Variants in SH3GL2 observed in about 807,000 individuals in gnomAD.
SH3GL2 encodes the protein endophilin-A1.
In SH3GL2, 24 loss-of-function variants were observed where a neutral mutation model predicts 46.0. The observed-to-expected ratio is 0.52, with a 90% CI of 0.38 to 0.73. The LOEUF is 0.73. Among genes scored for constraint, SH3GL2 ranks in the 30% least tolerant of loss-of-function variants. The pLI is 0.00. For missense variants in SH3GL2, 413 were observed against 424.2 expected (o/e 0.97, Z 0.23); for synonymous variants, 196 against 147.1 (o/e 1.33, Z -2.40).
intron 3 of SH3GL2, among the ~76,000 whole-genome samples, chr9:17,779,654 A>G (rs1329994351): frequency 6.6e-6 from 1 of 152,126 alleles, no homozygotes; most frequent in African/African-American, 2.4e-5. Flanking sequence ...ACTGGAAGAA[A>G]ACTGTTCTTG....
At chr9:17,662,822 G>T (rs1820254567) in intron 1 of SH3GL2, among the ~76,000 whole-genome samples, 2 of 148,474 alleles carry the variant, frequency 1.3e-5, no homozygotes, top group Non-Finnish European at 1.5e-5. Flanking sequence ...CAATTCTGCT[G>T]CCTCAGCCTC....
intron 1 of SH3GL2, among the ~76,000 whole-genome samples, chr9:17,734,442 T>G (rs1822268254): frequency 6.6e-6 from 1 of 152,138 alleles, no homozygotes; most frequent in South Asian, 2.1e-4. Context: ...AGTCTTCACA[T>G]AATTTCGTGT....
intron 1 of SH3GL2, among the ~76,000 whole-genome samples, chr9:17,731,007 A>G (rs1416991969): frequency 1.3e-5 from 2 of 152,160 alleles, no homozygotes; most frequent in Non-Finnish European, 2.9e-5. Context: ...CAAAACTTTC[A>G]GAGAGAGCCA....
At position 17,579,177 on chromosome 9, in the gene SH3GL2, C is replaced by A; in HGVS notation, c.-66C>A. ...GGCCAGGGGAGCGCGCCGCCCCGCT[C>A]GGCCCTCCAGTCCCCCTCCGCCTCC... On this transcript the variant is annotated 5_prime_UTR_variant, in exon 1 of 9. Coordinates refer to ENST00000380607, the MANE Select transcript of SH3GL2 (RefSeq NM_003026.5). The A allele has an allele frequency of 1.6e-6, 2 of 1,233,304 alleles. No homozygotes were observed. Among genetic ancestry groups the A allele is most frequent in the Admixed American group, 2.6e-5 (1 of 38,706 alleles). 76.4% of individuals were successfully genotyped at this position (1,233,304 alleles called of 1,614,324 possible). A position where few individuals can be genotyped will look rare whatever the true frequency, so the allele number is the denominator to read the frequency against.
At chr9:17,776,603 C>A (rs996549132) in intron 3 of SH3GL2, among the ~76,000 whole-genome samples, 11 of 151,078 alleles carry the variant, frequency 7.3e-5, no homozygotes, top group African/African-American at 2.4e-4. Flanking sequence ...AGTGAGAAAT[C>A]TGAATAATGT....
chr9:17,796,946 G>A lies in SH3GL2; in HGVS notation c.*1203G>A, dbSNP rs557152466. The A allele has an allele frequency of 6.5e-6, 1 of 152,684 alleles. No homozygotes were observed. Among genetic ancestry groups the A allele is most frequent in the African/African-American group, 2.4e-5 (1 of 41,524 alleles). The allele number at this position is 152,684 out of a possible 1,614,324, so 9.5% of individuals were successfully genotyped here. ...GTATCAGTCATGAAAGTCCTGTTAG[G>A]TATGCAGAGTTCTATTTATCTAGCT... On this transcript the variant is annotated 3_prime_UTR_variant, in exon 9 of 9. Transcript: ENST00000380607.
intron 1 of SH3GL2, among the ~76,000 whole-genome samples, chr9:17,695,984 C>T (rs575178977): frequency 6.6e-6 from 1 of 152,212 alleles, no homozygotes; most frequent in South Asian, 2.1e-4. Context: ...CAAAAGAAGG[C>T]AGACCTGATA....
Position 17,727,008 on chromosome 9 carries a change from G to A in SH3GL2, c.46-20058G>A, listed in dbSNP as rs542152476. On this transcript the variant is annotated intron_variant, in intron 1 of 8. Coordinates refer to ENST00000380607, the MANE Select transcript of SH3GL2 (RefSeq NM_003026.5). ...ATGAGCAGCAGGAGACATTAATAGA[G>A]AGATGCTTGTTGCTGCACTTTTTGT... 2.6e-5 allele frequency among the ~76,000 whole-genome samples: 4 copies of A among 152,256 alleles called. 1 individual carries two copies. The South Asian group carries it at 8.3e-4, about 32-fold the overall frequency.
chr9:17,757,851 C>G (rs1180380351), intron 2 of SH3GL2, among the ~76,000 whole-genome samples: 1 of 152,138 alleles, frequency 6.6e-6, no homozygotes, highest in African/African-American at 2.4e-5. Flanking sequence ...ATATTACCAG[C>G]TTAGGTATAT....
intron 1 of SH3GL2, among the ~76,000 whole-genome samples, chr9:17,728,347 T>C (rs10121229): frequency 0.29 from 44,368 of 151,990 alleles, 7,756 homozygotes; most frequent in African/African-American, 0.48. Context: ...AAGTGGCTTT[T>C]CCTCCATTAT....
intron 1 of SH3GL2, among the ~76,000 whole-genome samples, chr9:17,713,150 G>T: frequency 6.6e-6 from 1 of 150,692 alleles, no homozygotes; most frequent in Non-Finnish European, 1.5e-5. Flanking sequence ...TTCCTTTTTA[G>T]TTTTTTAAAT....
At chr9:17,688,354 G>A (rs1820980525) in intron 1 of SH3GL2, among the ~76,000 whole-genome samples, 1 of 152,054 alleles carries the variant, frequency 6.6e-6, no homozygotes, top group East Asian at 1.9e-4. Flanking sequence ...AATGTAGTTT[G>A]GGATGGAAAA....
chr9:17,795,478 G>C (rs1328115219), intron 8 of SH3GL2, 66 bp from the exon 9 acceptor site: 3 of 1,318,072 alleles, frequency 2.3e-6, no homozygotes, highest in East Asian at 2.3e-5. Flanking sequence ...GCAGGCAGCA[G>C]ATTCTGTGAG....
Position 17,795,767 on chromosome 9 carries a change from T to G in SH3GL2, c.*24T>G, listed in dbSNP as rs528145235. ...AGGATGTTATGCTGGCTGGCTCGCCTCCTCTTGACCCAGATAGTTACGGTT... is the reference window on the plus strand; with the variant it reads ...AGGATGTTATGCTGGCTGGCTCGCCGCCTCTTGACCCAGATAGTTACGGTT... On this transcript the variant is annotated 3_prime_UTR_variant, in exon 9 of 9. Transcript: ENST00000380607. 3 of 1,585,438 alleles carry G rather than the reference T, an allele frequency of 1.9e-6. No homozygotes were observed. Among genetic ancestry groups the G allele is most frequent in the Admixed American group, 1.7e-5 (1 of 59,738 alleles).
chr9:17,685,641 G>T (rs1012887163), intron 1 of SH3GL2, among the ~76,000 whole-genome samples: 2 of 152,040 alleles, frequency 1.3e-5, no homozygotes, highest in East Asian at 3.9e-4. Flanking sequence ...GTGAGGAAGG[G>T]ATCCAGTTTC....
intron 2 of SH3GL2, among the ~76,000 whole-genome samples, chr9:17,751,856 C>A (rs1349342409): frequency 6.6e-6 from 1 of 152,074 alleles, no homozygotes; most frequent in Non-Finnish European, 1.5e-5. Context: ...AAGACACACC[C>A]CCCCGGTGTG....
chr9:17,731,699 G>C (rs1394752030), intron 1 of SH3GL2, among the ~76,000 whole-genome samples: 2 of 152,156 alleles, frequency 1.3e-5, no homozygotes, highest in Admixed American at 6.5e-5. Flanking sequence ...CTGACTGATA[G>C]ACTCCCTCAT....
Position 17,755,229 on chromosome 9 carries a change from A to G in SH3GL2, c.115-6208A>G, listed in dbSNP as rs73414672. Among the ~76,000 whole-genome samples the G allele has an allele frequency of 7.4e-3, 1,133 of 152,304 alleles. 15 individuals carry two copies. Among genetic ancestry groups the G allele is most frequent in the African/African-American group, 0.026 (1,087 of 41,548 alleles). ...GAATTTTATTGAAAACCTTTTGTACATCTATTGAGATAATCATGTGTTTTT... is the reference window on the plus strand; with the variant it reads ...GAATTTTATTGAAAACCTTTTGTACGTCTATTGAGATAATCATGTGTTTTT... On this transcript the variant is annotated intron_variant, in intron 2 of 8. Transcript: ENST00000380607.
intron 3 of SH3GL2, among the ~76,000 whole-genome samples, chr9:17,780,469 G>GTT (rs201979727): frequency 0.11 from 15,466 of 146,488 alleles, 894 homozygotes; most frequent in Non-Finnish European, 0.12. Context: ...GAATAGCACA[G>GTT]TTTTTTTTTT....
Sources: allele counts gnomAD v4.1 joint callset (sites outside exome capture counted in the v4.1 genomes callset), GRCh38; gene constraint gnomAD v4.1.1; transcripts MANE v1.5; gene names NCBI Gene and HGNC (gene_info 2026-07-23, HGNC 2026-07-21).